PHF14: variants seen among roughly 807,000 people sequenced by gnomAD.
The protein encoded by PHF14 is PHD finger protein 14.
In PHF14, 55 loss-of-function variants were observed where a neutral mutation model predicts 117.9. The ratio of observed to expected loss-of-function variants is 0.47; its 90% CI spans 0.38 to 0.58. The LOEUF is 0.58. Ranked by LOEUF, PHF14 falls within the 20% of genes least tolerant of loss-of-function variation. The pLI is 0.00. For synonymous variants in PHF14, 409 were observed against 368.6 expected (o/e 1.11, Z -1.26); for missense variants, 978 against 1,122.2 (o/e 0.87, Z 1.84).
intron 4 of PHF14, among the ~76,000 whole-genome samples, chr7:11,000,606 T>A (rs2128312910): frequency 6.6e-6 from 1 of 152,330 alleles, no homozygotes; most frequent in East Asian, 1.9e-4. Flanking sequence ...CCCAAAGTGC[T>A]GGGATTACAG....
At chr7:10,996,914 C>G (rs941330055) in intron 4 of PHF14, among the ~76,000 whole-genome samples, 1 of 152,226 alleles carries the variant, frequency 6.6e-6, no homozygotes, top group Non-Finnish European at 1.5e-5. Flanking sequence ...TCCAGTTAAT[C>G]TACTCAACAG....
intron 16 of PHF14, among the ~76,000 whole-genome samples, chr7:11,075,486 G>A (rs1785803454): frequency 6.6e-6 from 1 of 150,996 alleles, no homozygotes; most frequent in African/African-American, 2.4e-5. Flanking sequence ...GCAAGAGAAA[G>A]AGGAGGAAGC....
chr7:10,986,397 C>T lies in PHF14; in HGVS notation c.900+3238C>T, dbSNP rs1165456175. On this transcript the variant is annotated intron_variant, in intron 3 of 17. Transcript: ENST00000634607. ...AGGAAGCACACAAGTTATCAGATCCCATTTCATGTAGTGTCTGGAAAACTT... is the reference window on the plus strand; with the variant it reads ...AGGAAGCACACAAGTTATCAGATCCTATTTCATGTAGTGTCTGGAAAACTT... 6.6e-5 allele frequency among the ~76,000 whole-genome samples: 10 copies of T among 152,154 alleles called. No individual in the cohort carries two copies. In the East Asian group the frequency reaches 1.7e-3, roughly 26 times the overall value.
intron 4 of PHF14, among the ~76,000 whole-genome samples, chr7:10,995,424 C>T (rs1782603389): frequency 6.6e-6 from 1 of 152,210 alleles, no homozygotes; most frequent in Non-Finnish European, 1.5e-5. Flanking sequence ...GGTGTATTTA[C>T]AATCCCTTAG....
At chr7:11,007,150 G>T (rs889341905) in intron 4 of PHF14, among the ~76,000 whole-genome samples, 3 of 151,800 alleles carry the variant, frequency 2.0e-5, no homozygotes, top group Non-Finnish European at 4.4e-5. Flanking sequence ...CCGAGATCGC[G>T]CCATTGCACT....
intron 13 of PHF14, among the ~76,000 whole-genome samples, chr7:11,046,599 A>G (rs1784672203): frequency 6.6e-6 from 1 of 152,108 alleles, no homozygotes; most frequent in South Asian, 2.1e-4. Context: ...AGAATGGGAC[A>G]TTTACTGTAT....
At chr7:11,126,774 T>TG (rs1787940560) in intron 17 of PHF14, among the ~76,000 whole-genome samples, 1 of 132,918 alleles carries the variant, frequency 7.5e-6, no homozygotes, top group Admixed American at 7.4e-5. Flanking sequence ...AGCAATAGGA[T>TG]GAAAAAAAAA....
chr7:11,068,832 C>CA (rs1785512281), intron 16 of PHF14, among the ~76,000 whole-genome samples: 1 of 152,094 alleles, frequency 6.6e-6, no homozygotes, highest in African/African-American at 2.4e-5. Flanking sequence ...AACCATGTTG[C>CA]ATCTTTCAAT....
chr7:11,009,431 T>G (rs1160175595), intron 4 of PHF14, among the ~76,000 whole-genome samples: 2 of 152,216 alleles, frequency 1.3e-5, no homozygotes, highest in Admixed American at 6.5e-5. Context: ...TTGATGCTAA[T>G]TAAATGGCCA....
intron 16 of PHF14, among the ~76,000 whole-genome samples, chr7:11,085,403 A>T (rs1339429920): frequency 6.6e-6 from 1 of 152,188 alleles, no homozygotes. Context: ...AACATGTTGA[A>T]GCTATCATTG....
chr7:11,096,621 T>A (rs1183244887), intron 16 of PHF14, among the ~76,000 whole-genome samples: 1 of 152,116 alleles, frequency 6.6e-6, no homozygotes, highest in Non-Finnish European at 1.5e-5. Flanking sequence ...CTCTATTTGG[T>A]TGTTGCCAAT....
intron 16 of PHF14, among the ~76,000 whole-genome samples, chr7:11,100,297 A>G (rs1787040528): frequency 6.6e-6 from 1 of 151,972 alleles, no homozygotes; most frequent in Admixed American, 6.6e-5. Context: ...TTTTTAAGTC[A>G]TTTTGGCCTG....
chr7:11,085,891 T>TAAA (rs200053748), intron 16 of PHF14, among the ~76,000 whole-genome samples: 1 of 149,238 alleles, frequency 6.7e-6, no homozygotes, highest in African/African-American at 2.5e-5. Context: ...CATAATAGTT[T>TAAA]AAAAAAAAAA....
intron 17 of PHF14, among the ~76,000 whole-genome samples, chr7:11,128,957 C>T (rs1001722073): frequency 6.6e-6 from 1 of 151,822 alleles, no homozygotes; most frequent in South Asian, 2.1e-4. Context: ...ATTTGGTAGA[C>T]TTTTTTTGTC....
chr7:11,049,890 A>G (rs1045536116), intron 13 of PHF14, among the ~76,000 whole-genome samples: 1 of 152,214 alleles, frequency 6.6e-6, no homozygotes, highest in African/African-American at 2.4e-5. Context: ...CCTGCCAGCT[A>G]TATTTACATG....
chr7:11,046,140 G>A (rs912819499), intron 13 of PHF14, among the ~76,000 whole-genome samples: 1 of 152,094 alleles, frequency 6.6e-6, no homozygotes, highest in East Asian at 1.9e-4. Flanking sequence ...TATTTAAAAT[G>A]CATTTTGTCT....
chr7:11,089,517 T>C (rs750462132), intron 16 of PHF14, among the ~76,000 whole-genome samples: 2 of 151,838 alleles, frequency 1.3e-5, no homozygotes, highest in Non-Finnish European at 2.9e-5. Flanking sequence ...AAAGTGAGAC[T>C]CCATTCTCCA....
intron 10 of PHF14, among the ~76,000 whole-genome samples, chr7:11,037,493 A>G (rs1784352005): frequency 6.6e-6 from 1 of 152,178 alleles, no homozygotes; most frequent in South Asian, 2.1e-4. Flanking sequence ...TCTATTTCTA[A>G]TCAATAAACA....
At chr7:11,095,181 A>G (rs748074371) in intron 16 of PHF14, among the ~76,000 whole-genome samples, 1 of 152,238 alleles carries the variant, frequency 6.6e-6, no homozygotes, top group Non-Finnish European at 1.5e-5. Context: ...TACCACAACC[A>G]TATGCCAAGC....
Sources: allele counts gnomAD v4.1 joint callset (sites outside exome capture counted in the v4.1 genomes callset), GRCh38; gene constraint gnomAD v4.1.1; transcripts MANE v1.5; gene names NCBI Gene and HGNC (gene_info 2026-07-23, HGNC 2026-07-21).